Variants in NIPBL observed in about 807,000 individuals in gnomAD.
NIPBL encodes the protein NIPBL cohesin loading factor, also known as nipped-B-like protein.
Under a neutral mutation model 321.8 loss-of-function variants are expected in NIPBL, and 19 were observed. The ratio of observed to expected loss-of-function variants is 0.06; its 90% CI spans 0.04 to 0.09. The LOEUF (loss-of-function observed/expected upper bound fraction) is 0.09, where lower values mean the gene tolerates loss of function less well. NIPBL is among the 10% of genes least tolerant of loss of function. The pLI is 1.00. For missense variants in NIPBL, 2,210 were observed against 3,327.0 expected (o/e 0.66, Z 8.26); for synonymous variants, 1,106 against 1,114.1 (o/e 0.99, Z 0.14).
At chr5:37,046,523 T>G (rs1752996914) in intron 38 of NIPBL, among the ~76,000 whole-genome samples, 1 of 152,194 alleles carries the variant, frequency 6.6e-6, no homozygotes, top group South Asian at 2.1e-4. Flanking sequence ...AGAAAAATAA[T>G]ATAGAAGAAT....
At position 36,985,302 on chromosome 5, in the gene NIPBL, G is replaced by A; in HGVS notation, c.2122G>A (p.Glu708Lys). ...SRPETPKQKG[E>K]SRPETPKQKS... The stretch of plus-strand genomic sequence containing the variant: ...GCCTGAAACCCCAAAGCAAAAGGGT[G>A]AAAGCCGGCCTGAGACTCCAAAACA... The change falls in exon 10 of 47, where the codon GAA (glutamate) becomes AAA (lysine). Residue 708 changes from glutamate to lysine, a missense_variant. Coordinates refer to ENST00000282516, the MANE Select transcript of NIPBL (RefSeq NM_133433.4). 1 of 1,613,682 alleles carries A rather than the reference G, an allele frequency of 6.2e-7. No homozygotes were observed. The highest frequency in any genetic ancestry group is 8.5e-7 in the Non-Finnish European group (1 of 1,179,924).
intron 31 of NIPBL, 105 bp from the exon 32 acceptor site, chr5:37,027,254 G>A: frequency 1.1e-6 from 1 of 898,156 alleles, no homozygotes; most frequent in South Asian, 1.4e-5. Flanking sequence ...ATAAACTTTT[G>A]AATTGAGAAA....
chr5:36,960,370 A>AG (rs1741476273), intron 4 of NIPBL, among the ~76,000 whole-genome samples: 2 of 151,432 alleles, frequency 1.3e-5, no homozygotes, highest in South Asian at 2.1e-4. Flanking sequence ...CAAAAGAAAA[A>AG]GAAAAAAAAA....
At chr5:36,881,952 T>A (rs1041403122) in intron 1 of NIPBL, among the ~76,000 whole-genome samples, 2 of 151,972 alleles carry the variant, frequency 1.3e-5, no homozygotes, top group Non-Finnish European at 2.9e-5. Flanking sequence ...TAGAGAGTCA[T>A]TTCATTCATA....
intron 6 of NIPBL, among the ~76,000 whole-genome samples, chr5:36,966,935 G>A (rs1204821365): frequency 3.3e-5 from 5 of 151,836 alleles, no homozygotes; most frequent in South Asian, 2.1e-4. Context: ...TAAGCAGACC[G>A]AAAACCTCGA....
chr5:37,002,852 A>C, intron 15 of NIPBL, 87 bp downstream of exon 15: 1 of 813,032 alleles, frequency 1.2e-6, no homozygotes, highest in East Asian at 2.7e-5. Context: ...TATAAAATTT[A>C]TGTAAAGTAA....
intron 21 of NIPBL, among the ~76,000 whole-genome samples, chr5:37,010,702 G>T (rs923187978): frequency 6.6e-6 from 1 of 152,098 alleles, no homozygotes; most frequent in African/African-American, 2.4e-5. Flanking sequence ...TGGTTCTGTT[G>T]TATCTATCAG....
At chr5:37,005,891 G>A (rs572022750) in intron 16 of NIPBL, among the ~76,000 whole-genome samples, 17 of 152,118 alleles carry the variant, frequency 1.1e-4, no homozygotes, top group East Asian at 7.7e-4. Context: ...CTGTGTTGTC[G>A]AAAAGCAGGT....
chr5:36,975,776 G>T lies in NIPBL; in HGVS notation c.869G>T (p.Gly290Val), dbSNP rs1359332855. 13 of 1,613,198 alleles carry T rather than the reference G, an allele frequency of 8.1e-6. No individual in the cohort carries two copies. The highest frequency in any genetic ancestry group is 1.1e-5 in the Non-Finnish European group (13 of 1,179,664). Residue 290 changes from glycine (G) to valine (V), a missense_variant and splice_region_variant, in exon 9 of 47, where the codon GGC (glycine) becomes GTC (valine). Gly to Val is a moderately radical substitution (Grantham distance 109). This residue lies in a region of NIPBL where 464 missense variants were observed against 529.5 expected (regional missense o/e 0.88). Coordinates refer to ENST00000282516, the MANE Select transcript of NIPBL (RefSeq NM_133433.4). Reference sequence around the variant, plus strand: ...TACTTCTATCGAATTATTTTTCTAGGCTCAAGACCACCTTTAATCCTACAA... The same window carrying T: ...TACTTCTATCGAATTATTTTTCTAGTCTCAAGACCACCTTTAATCCTACAA... ...SPAGSEGTPK[G>V]SRPPLILQSQ...
intron 9 of NIPBL, among the ~76,000 whole-genome samples, chr5:36,981,443 C>T (rs1448297399): frequency 6.6e-6 from 1 of 151,618 alleles, no homozygotes; most frequent in East Asian, 1.9e-4. Context: ...ATTTATGTCC[C>T]TTTGTCCTGT....
chr5:36,946,097 C>A lies in NIPBL; in HGVS notation c.-79-7521C>A, dbSNP rs144858267. 1.1e-4 allele frequency among the ~76,000 whole-genome samples: 17 copies of A among 152,034 alleles called. No individual in the cohort carries two copies. In the East Asian group the frequency reaches 2.1e-3, roughly 19 times the overall value. On this transcript the variant is annotated intron_variant, in intron 1 of 46. Coordinates refer to ENST00000282516, the MANE Select transcript of NIPBL (RefSeq NM_133433.4). ...ACTAGTTTAAACTTTTTAAAAAATT[C>A]TTTAATGTGAGAAGGCTGAGCAAAG...
intron 33 of NIPBL, 59 bp from the exon 34 acceptor site, chr5:37,038,543 G>A: frequency 6.7e-7 from 1 of 1,487,818 alleles, no homozygotes; most frequent in South Asian, 1.1e-5. Context: ...ATAATATTCT[G>A]TATAGTTTCC....
intron 30 of NIPBL, among the ~76,000 whole-genome samples, chr5:37,025,929 G>C (rs934787981): frequency 7.3e-5 from 11 of 151,724 alleles, no homozygotes; most frequent in African/African-American, 1.2e-4. Context: ...TTCTCCAAAA[G>C]CAGTAAATAT....
At chr5:36,941,130 T>G (rs551705624) in intron 1 of NIPBL, among the ~76,000 whole-genome samples, 10 of 152,256 alleles carry the variant, frequency 6.6e-5, no homozygotes, top group Middle Eastern at 3.4e-3. Flanking sequence ...AATTAATCAC[T>G]TAATAAGTTT....
At chr5:37,003,149 G>T in intron 15 of NIPBL, 112 bp from the exon 16 acceptor site, 1 of 705,594 alleles carries the variant, frequency 1.4e-6, no homozygotes, top group South Asian at 1.8e-5. Flanking sequence ...TCTTTAAGAG[G>T]GTGACAATGC....
At chr5:36,910,154 T>C (rs1199631440) in intron 1 of NIPBL, among the ~76,000 whole-genome samples, 1 of 151,996 alleles carries the variant, frequency 6.6e-6, no homozygotes, top group Non-Finnish European at 1.5e-5. Context: ...AAGTAAGGCC[T>C]GGAAGGTGAC....
At chr5:36,968,383 C>T (rs888011339) in intron 6 of NIPBL, among the ~76,000 whole-genome samples, 1 of 151,998 alleles carries the variant, frequency 6.6e-6, no homozygotes, top group African/African-American at 2.4e-5. Context: ...TCCTCGCTAA[C>T]ACAGTGAAAC....
At chr5:37,008,560 A>G in intron 19 of NIPBL, 63 bp from the exon 20 acceptor site, 5 of 852,152 alleles carry the variant, frequency 5.9e-6, no homozygotes, top group Non-Finnish European at 2.0e-6. Context: ...AAATCACATG[A>G]TATTATTTTT....
At chr5:36,952,053 T>TGTGTGTGTGTGTGCGCGCGC (rs778597604) in intron 1 of NIPBL, among the ~76,000 whole-genome samples, 26 of 112,208 alleles carry the variant, frequency 2.3e-4, no homozygotes, top group East Asian at 7.0e-4. Flanking sequence ...TGTGTGTGTG[T>TGTGTGTGTGTGTGCGCGCGC]GCGCGCGCGC....
Sources: gnomAD v4.1 joint callset for allele counts (sites outside exome capture counted in the v4.1 genomes callset) on GRCh38, gnomAD v4.1.1 for gene constraint, gnomAD v4.1.1 regional missense constraint, MANE v1.5 for transcripts, NCBI Gene and HGNC (gene_info 2026-07-23, HGNC 2026-07-21) for gene names.